SEMA5A: variants seen among roughly 807,000 people sequenced by gnomAD.
SEMA5A encodes the protein semaphorin-5A.
SEMA5A carries 55 observed loss-of-function variants against 135.5 expected under a neutral mutation model. The observed-to-expected ratio is 0.41, with a 90% CI of 0.33 to 0.51. The LOEUF (loss-of-function observed/expected upper bound fraction) is 0.51. Ranked by LOEUF, SEMA5A falls within the 20% of genes least tolerant of loss-of-function variation. The pLI is 0.37. For synonymous variants in SEMA5A, 580 were observed against 546.5 expected (o/e 1.06, Z -0.85); for missense variants, 1,290 against 1,419.9 (o/e 0.91, Z 1.47).
At chr5:9,272,937 A>G (rs533082343) in intron 5 of SEMA5A, among the ~76,000 whole-genome samples, 1 of 152,226 alleles carries the variant, frequency 6.6e-6, no homozygotes, top group Admixed American at 6.5e-5. Context: ...AATTCCAAAA[A>G]CCAGAATGCC....
chr5:9,305,226 AT>A (rs1236360720), intron 5 of SEMA5A, among the ~76,000 whole-genome samples: 1 of 152,032 alleles, frequency 6.6e-6, no homozygotes, highest in Non-Finnish European at 1.5e-5. Flanking sequence ...TTTCTGGGAA[AT>A]TTTTATCAAA....
chr5:9,438,323 G>A (rs1049772608), intron 1 of SEMA5A, among the ~76,000 whole-genome samples: 1 of 152,114 alleles, frequency 6.6e-6, no homozygotes, highest in Admixed American at 6.5e-5. Context: ...ATTTGAGTTT[G>A]TATTTTTATT....
intron 11 of SEMA5A, among the ~76,000 whole-genome samples, chr5:9,188,675 T>C (rs1369967216): frequency 1.5e-5 from 2 of 131,060 alleles, no homozygotes; most frequent in African/African-American, 3.1e-5. Context: ...CTAGGAACTC[T>C]TATGGAAGGG....
At chr5:9,371,303 G>C (rs367931833) in intron 3 of SEMA5A, among the ~76,000 whole-genome samples, 3 of 152,206 alleles carry the variant, frequency 2.0e-5, no homozygotes, top group African/African-American at 7.2e-5. Flanking sequence ...ATTTTCGTCA[G>C]TCTAATTATT....
At chr5:9,451,805 G>A (rs1013981663) in intron 1 of SEMA5A, among the ~76,000 whole-genome samples, 1 of 152,144 alleles carries the variant, frequency 6.6e-6, no homozygotes, top group African/African-American at 2.4e-5. Flanking sequence ...TGAACCTGGG[G>A]CCATGTCACC....
intron 5 of SEMA5A, among the ~76,000 whole-genome samples, chr5:9,250,400 C>G (rs1579710718): frequency 1.3e-5 from 2 of 152,198 alleles, no homozygotes; most frequent in East Asian, 3.9e-4. Context: ...TCTTTCCACC[C>G]CCATAAGTAA....
At chr5:9,363,998 T>C (rs1035682091) in intron 3 of SEMA5A, among the ~76,000 whole-genome samples, 1 of 152,178 alleles carries the variant, frequency 6.6e-6, no homozygotes, top group African/African-American at 2.4e-5. Context: ...AAAATGTTGC[T>C]GAAGAAACCT....
intron 16 of SEMA5A, among the ~76,000 whole-genome samples, chr5:9,067,574 C>T (rs1237969074): frequency 2.0e-5 from 2 of 97,650 alleles, no homozygotes; most frequent in Non-Finnish European, 4.1e-5. Flanking sequence ...ACTCTTTAAG[C>T]TTTATCATAA....
intron 13 of SEMA5A, among the ~76,000 whole-genome samples, chr5:9,125,734 T>C (rs1047436856): frequency 1.3e-5 from 2 of 152,152 alleles, no homozygotes; most frequent in Non-Finnish European, 2.9e-5. Flanking sequence ...TGAGGTTCTC[T>C]GAAGACCGTA....
At chr5:9,389,461 C>A (rs934573355) in intron 2 of SEMA5A, among the ~76,000 whole-genome samples, 1 of 152,192 alleles carries the variant, frequency 6.6e-6, no homozygotes, top group Non-Finnish European at 1.5e-5. Flanking sequence ...TATCTGTCTT[C>A]ATCAGCTGTC....
rs150173432 is a variant in SEMA5A, at chr5:9,406,421, C to T, written c.-77-26398G>A. ...TCTCAAACATAAAACAAACTGCCCT[C>T]ATGTCAGTACTCAATTCCAGTGAGA... On this transcript the variant is annotated intron_variant, in intron 2 of 22. Transcript: ENST00000382496. 2.1e-3 allele frequency among the ~76,000 whole-genome samples: 327 copies of T among 152,278 alleles called. 1 individual carries two copies. Among genetic ancestry groups the T allele is most frequent in the African/African-American group, 7.5e-3 (311 of 41,550 alleles).
At chr5:9,470,519 A>C (rs1759437721) in intron 1 of SEMA5A, among the ~76,000 whole-genome samples, 1 of 152,210 alleles carries the variant, frequency 6.6e-6, no homozygotes, top group Non-Finnish European at 1.5e-5. Flanking sequence ...ATAAAACAAA[A>C]AACTCATACA....
At chr5:9,187,100 C>T (rs1744849907) in intron 11 of SEMA5A, among the ~76,000 whole-genome samples, 1 of 151,702 alleles carries the variant, frequency 6.6e-6, no homozygotes, top group Admixed American at 6.6e-5. Context: ...AATCTCTAGT[C>T]TTTAACATTT....
intron 12 of SEMA5A, among the ~76,000 whole-genome samples, chr5:9,140,099 C>A (rs947225084): frequency 6.6e-6 from 1 of 152,114 alleles, no homozygotes; most frequent in African/African-American, 2.4e-5. Context: ...CAAATGACAT[C>A]CTTTTCAATT....
intron 8 of SEMA5A, among the ~76,000 whole-genome samples, chr5:9,221,553 C>T (rs62341025): frequency 0.88 from 132,648 of 150,870 alleles, 58,347 homozygotes; most frequent in Non-Finnish European, 0.9. Context: ...CCGCCCGCCT[C>T]GGCCTCCCAA....
intron 1 of SEMA5A, among the ~76,000 whole-genome samples, chr5:9,510,105 T>A (rs1736124124): frequency 6.6e-6 from 1 of 152,102 alleles, no homozygotes; most frequent in African/African-American, 2.4e-5. Context: ...GGAAAGAACA[T>A]TAAAAGAAAT....
chr5:9,436,400 T>C (rs1347469399), intron 2 of SEMA5A, among the ~76,000 whole-genome samples: 1 of 152,118 alleles, frequency 6.6e-6, no homozygotes, highest in Non-Finnish European at 1.5e-5. Flanking sequence ...AGATACAAAA[T>C]GCAGACCTCC....
chr5:9,482,254 A>T (rs888484665), intron 1 of SEMA5A, among the ~76,000 whole-genome samples: 4 of 152,178 alleles, frequency 2.6e-5, no homozygotes, highest in Non-Finnish European at 5.9e-5. Context: ...CATCTATAGC[A>T]TGTGTCCAAA....
At chr5:9,529,911 C>T (rs964767487) in intron 1 of SEMA5A, among the ~76,000 whole-genome samples, 9 of 152,156 alleles carry the variant, frequency 5.9e-5, no homozygotes. Context: ...TATCATTGGA[C>T]CTGTAGCCCT....
Sources: allele counts gnomAD v4.1 joint callset (sites outside exome capture counted in the v4.1 genomes callset), GRCh38; gene constraint gnomAD v4.1.1; transcripts MANE v1.5; gene names NCBI Gene and HGNC (gene_info 2026-07-23, HGNC 2026-07-21).